VDR: variants seen among roughly 807,000 people sequenced by gnomAD.
The protein encoded by VDR is vitamin D3 receptor.
VDR carries 19 observed loss-of-function variants against 39.7 expected under a neutral mutation model. The ratio of observed to expected loss-of-function variants is 0.48; its 90% CI spans 0.33 to 0.70. The LOEUF (loss-of-function observed/expected upper bound fraction) is 0.70. Ranked by LOEUF, VDR falls within the 30% of genes least tolerant of loss-of-function variation. The pLI is 0.02. For missense variants in VDR, 442 were observed against 570.5 expected, an observed-to-expected ratio of 0.77 and a Z score of 2.29; for synonymous variants, 242 against 215.8, an observed-to-expected ratio of 1.12 and a Z score of -1.07.
chr12:47,876,728 A>G (rs1017019774), intron 3 of VDR, among the ~76,000 whole-genome samples: 1 of 152,196 alleles, frequency 6.6e-6, no homozygotes, highest in Non-Finnish European at 1.5e-5. Flanking sequence ...GGGGCATGAC[A>G]GGACCTGTCC....
At chr12:47,882,623 G>GGGCCGGGGGCCCCCCC in intron 2 of VDR, 71 bp downstream of exon 2, 2 of 543,282 alleles carry the variant, frequency 3.7e-6, no homozygotes, top group Non-Finnish European at 6.5e-6. Flanking sequence ...ACCTTCTTAT[G>GGGCCGGGGGCCCCCCC]CCCCTCCCCC....
chr12:47,887,634 GCC>G (rs1346971283), intron 1 of VDR, among the ~76,000 whole-genome samples: 3 of 152,210 alleles, frequency 2.0e-5, no homozygotes, highest in Non-Finnish European at 4.4e-5. Flanking sequence ...CACCTTTGTG[GCC>G]TGCACCTGGA....
intron 3 of VDR, among the ~76,000 whole-genome samples, chr12:47,869,172 T>C (rs1222488272): frequency 6.6e-6 from 1 of 152,210 alleles, no homozygotes; most frequent in Non-Finnish European, 1.5e-5. Context: ...CCATCTCAGA[T>C]GTCTATACGC....
Position 47,894,831 on chromosome 12 carries a change from T to A in VDR, c.-84+10124A>T, listed in dbSNP as rs191286980. On this transcript the variant is annotated intron_variant, in intron 1 of 9. Transcript: ENST00000549336. ...TTACTCTTGCTGGCACCAGATTTTA[T>A]AGAGGTGGGACCCTAGTCAAGGACT... is the stretch of plus-strand genomic sequence containing the variant. 4.7e-3 allele frequency among the ~76,000 whole-genome samples: 723 copies of A among 152,284 alleles called. 5 individuals are homozygous for A. The highest frequency in any genetic ancestry group is 0.016 in the African/African-American group (684 of 41,546).
At chr12:47,858,716 A>C (rs932129670) in intron 4 of VDR, among the ~76,000 whole-genome samples, 2 of 152,256 alleles carry the variant, frequency 1.3e-5, no homozygotes, top group African/African-American at 4.8e-5. Flanking sequence ...GCCTGTAGCT[A>C]CTTGCTTGGT....
In VDR at chr12:47,857,609, A is replaced by G. The variant is rs1945518031; in HGVS notation, c.357T>C (p.Ser119=). ...GCTCCTCAGACAGCTTGGGCCGCAG[A>G]CTGTCCTTCAAGGCCTCCTCCTCCT... is the stretch of plus-strand genomic sequence containing the variant. ...KRKEEEALKD[S]LRPKLSEEQQ... is the part of the protein sequence containing the mutation. Residue 119 remains serine, a synonymous_variant, in exon 5 of 10, where the codon AGT becomes AGC. Transcript: ENST00000549336. 1.2e-6 allele frequency: 2 copies of G among 1,614,212 alleles called. No individual in the cohort carries two copies. Among genetic ancestry groups the G allele is most frequent in the Non-Finnish European group, 1.7e-6 (2 of 1,180,038 alleles).
chr12:47,848,554 CCTTTTT>C (rs2137126754), intron 7 of VDR, among the ~76,000 whole-genome samples: 2 of 108,786 alleles, frequency 1.8e-5, no homozygotes, highest in South Asian at 3.1e-4. Flanking sequence ...GTTTTCTACT[CCTTTTT>C]TTTTTTTTTT....
In VDR at chr12:47,844,320, C is replaced by T. The variant is rs924190583; in HGVS notation, c.*426G>A. ...ATCGTGAGTAGGCAGGAGAGGGAGACCCCACTAGGCGCTGGACAAGCGGGG... is the reference window on the plus strand; with the variant it reads ...ATCGTGAGTAGGCAGGAGAGGGAGATCCCACTAGGCGCTGGACAAGCGGGG... On this transcript the variant is annotated 3_prime_UTR_variant, in exon 10 of 10. Transcript: ENST00000549336. 6 of 285,236 alleles carry T rather than the reference C, an allele frequency of 2.1e-5. No individual in the cohort carries two copies. Among genetic ancestry groups the T allele is most frequent in the Admixed American group, 1.9e-4 (4 of 20,700 alleles). The allele number at this position is 285,236 out of a possible 1,614,324, so 17.7% of individuals were successfully genotyped here. A position where few individuals can be genotyped will look rare whatever the true frequency, so the allele number is the denominator to read the frequency against.
intron 1 of VDR, among the ~76,000 whole-genome samples, chr12:47,904,348 C>T (rs1023335330): frequency 6.6e-6 from 1 of 151,504 alleles, no homozygotes; most frequent in African/African-American, 2.4e-5. Context: ...ACTCCTTGAG[C>T]CCCTTCCTCA....
In VDR at chr12:47,844,883, T is replaced by C. The variant is rs1169801766; in HGVS notation, c.1147A>G (p.Met383Val). The change falls in exon 10 of 10, where the codon ATG (methionine) becomes GTG (valine). Residue 383 changes from methionine to valine, a missense_variant. Physicochemically the swap from Met to Val is conservative, Grantham distance 21. Transcript: ENST00000549336. The part of the protein sequence containing the change: ...PPGSHLLYAK[M>V]IQKLADLRSL... ...CGCAGGTCGGCTAGCTTCTGGATCA[T>C]CTTGGCATAGAGCAGGTGGCTGCCC... The C allele has an allele frequency of 6.2e-7, 1 of 1,614,130 alleles. No homozygotes were observed. Among genetic ancestry groups the C allele is most frequent in the South Asian group, 1.1e-5 (1 of 91,086 alleles).
intron 3 of VDR, among the ~76,000 whole-genome samples, chr12:47,871,319 T>TTTCTTTCTTTCTTTCC (rs1945864477): frequency 6.4e-5 from 9 of 140,740 alleles, no homozygotes; most frequent in African/African-American, 2.4e-4. Flanking sequence ...TCTTTCTTTC[T>TTTCTTTCTTTCTTTCC]TTCTTTCTTT....
intron 1 of VDR, among the ~76,000 whole-genome samples, chr12:47,900,870 G>T (rs907998377): frequency 6.6e-6 from 1 of 152,172 alleles, no homozygotes; most frequent in African/African-American, 2.4e-5. Flanking sequence ...CCCTGCTTAG[G>T]ACCAGGACTC....
At chr12:47,872,356 A>G (rs1239173940) in intron 3 of VDR, among the ~76,000 whole-genome samples, 1 of 152,232 alleles carries the variant, frequency 6.6e-6, no homozygotes, top group Non-Finnish European at 1.5e-5. Context: ...AGAAACTAGC[A>G]GAAAGAGGCA....
chr12:47,862,440 C>T (rs1399125276), intron 4 of VDR, among the ~76,000 whole-genome samples: 2 of 152,204 alleles, frequency 1.3e-5, no homozygotes, highest in Non-Finnish European at 2.9e-5. Context: ...AGCTGAGAGC[C>T]ATGATATTTT....
intron 4 of VDR, among the ~76,000 whole-genome samples, chr12:47,860,271 C>T (rs1945599721): frequency 1.3e-5 from 2 of 152,156 alleles, no homozygotes; most frequent in South Asian, 4.1e-4. Flanking sequence ...CGGCCTTTGT[C>T]TTACAATTCT....
chr12:47,875,037 A>G (rs1945971814), intron 3 of VDR, among the ~76,000 whole-genome samples: 1 of 152,194 alleles, frequency 6.6e-6, no homozygotes, highest in Non-Finnish European at 1.5e-5. Context: ...ATGTCCCTGT[A>G]TTCCAGAATA....
intron 1 of VDR, among the ~76,000 whole-genome samples, chr12:47,900,959 G>A (rs1946546918): frequency 6.6e-6 from 1 of 152,178 alleles, no homozygotes; most frequent in Non-Finnish European, 1.5e-5. Context: ...CACAGGACCT[G>A]CAGGGCAGGT....
In VDR at chr12:47,844,973, C is replaced by T. The variant is rs756991186; in HGVS notation, c.1057G>A (p.Glu353Lys). The change falls in exon 10 of 10, where the codon GAG becomes AAG. Residue 353 changes from glutamate to lysine, a missense_variant. Physicochemically the swap from Glu to Lys is moderately conservative, Grantham distance 56. Transcript: ENST00000549336. ...TTGGACAGGCGGTCCTGGATGGCCT[C>T]AATCAGCGCGGCGTCCTGCACCCCA... ...RPGVQDAALI[E>K]AIQDRLSNTL... is the part of the protein sequence containing the mutation. 1 of 1,613,758 alleles carries T rather than the reference C, an allele frequency of 6.2e-7. No homozygotes were observed. The highest frequency in any genetic ancestry group is 8.5e-7 in the Non-Finnish European group (1 of 1,179,960).
At chr12:47,866,927 T>C (rs368757907) in intron 3 of VDR, among the ~76,000 whole-genome samples, 5 of 151,366 alleles carry the variant, frequency 3.3e-5, no homozygotes, top group East Asian at 2.0e-4. Context: ...ACCCAGGAGG[T>C]AGAGGTTGCA....
Sources: allele counts gnomAD v4.1 joint callset (sites outside exome capture counted in the v4.1 genomes callset), GRCh38; gene constraint gnomAD v4.1.1; transcripts MANE v1.5; gene names NCBI Gene and HGNC (gene_info 2026-07-23, HGNC 2026-07-21).